Variants in UBR3 observed in about 807,000 individuals in gnomAD.
UBR3 encodes E3 ubiquitin-protein ligase UBR3.
Under a neutral mutation model 243.2 loss-of-function variants are expected in UBR3, and 85 were observed. That is an observed-to-expected ratio of 0.35 (90% CI 0.29 to 0.42). The LOEUF (loss-of-function observed/expected upper bound fraction) is 0.42, where lower values mean the gene tolerates loss of function less well. UBR3 is among the 10% of genes least tolerant of loss of function. The pLI is 1.00. For missense variants in UBR3, 1,686 were observed against 2,300.8 expected (o/e 0.73, Z 5.47); for synonymous variants, 748 against 799.8 (o/e 0.94, Z 1.09).
At chr2:170,055,090 G>C (rs1030755315) in intron 32 of UBR3, among the ~76,000 whole-genome samples, 1 of 152,132 alleles carries the variant, frequency 6.6e-6, no homozygotes, top group African/African-American at 2.4e-5. Context: ...TGAGCCCAAG[G>C]AATTTGAGAC....
intron 24 of UBR3, among the ~76,000 whole-genome samples, chr2:169,977,289 G>T (rs2088493981): frequency 6.6e-6 from 1 of 152,138 alleles, no homozygotes; most frequent in Non-Finnish European, 1.5e-5. Context: ...GGTTTTTCCA[G>T]AGGGACAGAA....
intron 1 of UBR3, among the ~76,000 whole-genome samples, chr2:169,840,728 T>TAC (rs1016996691): frequency 3.9e-5 from 6 of 152,248 alleles, no homozygotes; most frequent in East Asian, 3.9e-4. Context: ...GGCTCTCTGG[T>TAC]ACATCCTTGG....
rs2091453175 is a variant in UBR3, at chr2:170,061,361, T to C, written c.4937T>C (p.Leu1646Ser). 6.2e-7 allele frequency: 1 copy of C among 1,614,082 alleles called. No individual in the cohort carries two copies. The change falls in exon 35 of 39, where the codon TTA becomes TCA. Residue 1646 changes from leucine to serine, a missense_variant. Physicochemically the swap from Leu to Ser is moderately radical, Grantham distance 145 (BLOSUM62 -2). Transcript: ENST00000272793. Reference sequence around the variant, plus strand: ...TCTCCTGAATCCATGGAAAAATGCTTACAGGACTTCTGCTTACCTTTTCTC... The same window carrying C: ...TCTCCTGAATCCATGGAAAAATGCTCACAGGACTTCTGCTTACCTTTTCTC... ...AWSPESMEKCLQDFCLPFLRI... is the reference protein window; with the variant it reads ...AWSPESMEKCSQDFCLPFLRI...
rs371652493 is a variant in UBR3 at position 169,990,546 on chromosome 2, T to C, written c.3784+3752T>C. Among the ~76,000 whole-genome samples, 6 of 152,096 alleles carry C rather than the reference T, an allele frequency of 3.9e-5. No homozygotes were observed. In the East Asian group the frequency reaches 5.8e-4, roughly 15 times the overall value. ...TCTAGATTTGTAAACCAAATAATAA[T>C]GTTCTTGTTTGTGGAAGAGTGTAGG... On this transcript the variant is annotated intron_variant, in intron 25 of 38. Coordinates refer to ENST00000272793, the MANE Select transcript of UBR3 (RefSeq NM_172070.4).
At chr2:170,061,022 A>G in intron 33 of UBR3, 57 bp from the exon 34 acceptor site, 2 of 1,151,356 alleles carry the variant, frequency 1.7e-6, no homozygotes, top group Middle Eastern at 2.7e-4. Flanking sequence ...ATTATTTCCA[A>G]TGTAAATTTT....
chr2:169,830,057 A>G (rs1187762944), intron 1 of UBR3, among the ~76,000 whole-genome samples: 3 of 152,024 alleles, frequency 2.0e-5, no homozygotes, highest in East Asian at 3.9e-4. Context: ...TCGTCATTCT[A>G]TTTTTTTAAA....
rs145719016 is a variant in UBR3 at position 169,893,130 on chromosome 2, G to A, written c.1105+1899G>A. ...AATATAACACGTGCTTTAACATCTT[G>A]GGAGACTGACATCACCTATTTTAAG... On this transcript the variant is annotated intron_variant, in intron 6 of 38. Transcript: ENST00000272793. Among the ~76,000 whole-genome samples, 1,282 of 152,178 alleles carry A rather than the reference G, an allele frequency of 8.4e-3. 23 individuals are homozygous for A. The highest frequency in any genetic ancestry group is 0.029 in the African/African-American group (1,197 of 41,540).
At chr2:169,933,543 G>T (rs2086216512) in intron 19 of UBR3, among the ~76,000 whole-genome samples, 2 of 152,142 alleles carry the variant, frequency 1.3e-5, no homozygotes, top group Admixed American at 1.3e-4. Flanking sequence ...GTATGTTATT[G>T]TAAATTGTAG....
At chr2:169,934,136 T>C (rs2086239385) in intron 19 of UBR3, among the ~76,000 whole-genome samples, 1 of 152,232 alleles carries the variant, frequency 6.6e-6, no homozygotes, top group African/African-American at 2.4e-5. Context: ...TTCTGGCACT[T>C]AGTAGGTATT....
intron 22 of UBR3, 197 bp downstream of exon 22, chr2:169,947,912 G>GAC (rs2086849804): frequency 1.0e-6 from 1 of 984,922 alleles, no homozygotes; most frequent in Non-Finnish European, 1.2e-6. Flanking sequence ...CAGAGTTCAC[G>GAC]ACGGCCTAAA....
intron 24 of UBR3, among the ~76,000 whole-genome samples, chr2:169,971,583 A>G (rs2088147680): frequency 1.3e-5 from 2 of 152,046 alleles, no homozygotes; most frequent in Non-Finnish European, 2.9e-5. Context: ...TAAATAGGGA[A>G]TCCTTTCCCC....
At chr2:170,010,837 G>A (rs909200234) in intron 29 of UBR3, among the ~76,000 whole-genome samples, 3 of 151,916 alleles carry the variant, frequency 2.0e-5, no homozygotes, top group East Asian at 1.9e-4. Context: ...CCAGTGAGGC[G>A]GCATTCCTTC....
At chr2:170,016,968 CTTAT>C (rs2090253665) in intron 30 of UBR3, 1 of 423,372 alleles carries the variant, frequency 2.4e-6, no homozygotes, top group Non-Finnish European at 3.4e-6. Flanking sequence ...TGTTCAGTTA[CTTAT>C]TTATCCTAAT....
At chr2:169,850,200 ACAGGGTCTCACTCTTTCACC>A (rs1334357770) in intron 1 of UBR3, among the ~76,000 whole-genome samples, 11 of 109,226 alleles carry the variant, frequency 1.0e-4, no homozygotes, top group African/African-American at 3.8e-4. Context: ...TTTTTTTGAG[ACAGGGTCTCACTCTTTCACC>A]CAGGCTGGAG....
intron 1 of UBR3, among the ~76,000 whole-genome samples, chr2:169,843,004 T>C (rs1261878755): frequency 1.3e-5 from 2 of 152,392 alleles, no homozygotes; most frequent in Non-Finnish European, 1.5e-5. Context: ...CATTCCATTC[T>C]TCCTTTTAGC....
intron 1 of UBR3, among the ~76,000 whole-genome samples, chr2:169,854,796 G>GT (rs978163118): frequency 2.8e-4 from 43 of 151,976 alleles, no homozygotes; most frequent in Admixed American, 9.8e-4. Flanking sequence ...TTTTCTGGTT[G>GT]TTTTTTTAAG....
rs1475677342 is a variant in UBR3 at position 170,033,643 on chromosome 2, A to G, written c.4556+4195A>G. ...GTTCGTTTATTCATTAAGTTGTAAT[A>G]TAAGAGTTGATTATAATATGTCATC... is the stretch of plus-strand genomic sequence containing the variant. On this transcript the variant is annotated intron_variant, in intron 31 of 38. Transcript: ENST00000272793. 3.1e-5 allele frequency among the ~76,000 whole-genome samples: 4 copies of G among 127,350 alleles called. No individual in the cohort carries two copies. The East Asian group carries it at 7.6e-4, about 24-fold the overall frequency. The allele number at this position is 127,350 out of a possible 152,430, so 83.5% of individuals were successfully genotyped here.
chr2:169,982,257 C>T (rs1274474805), intron 24 of UBR3, among the ~76,000 whole-genome samples: 2 of 152,040 alleles, frequency 1.3e-5, no homozygotes, highest in Non-Finnish European at 2.9e-5. Flanking sequence ...TACATCATCC[C>T]TATATCATTT....
chr2:170,039,386 C>CT (rs952242293), intron 31 of UBR3, among the ~76,000 whole-genome samples: 41 of 147,658 alleles, frequency 2.8e-4, no homozygotes, highest in East Asian at 5.9e-4. Flanking sequence ...GACCCCTACA[C>CT]TTTTTTTTTT....
Sources: allele counts gnomAD v4.1 joint callset (sites outside exome capture counted in the v4.1 genomes callset), GRCh38; gene constraint gnomAD v4.1.1; transcripts MANE v1.5; gene names NCBI Gene and HGNC (gene_info 2026-07-23, HGNC 2026-07-21).